LILRB4: variants seen among roughly 807,000 people sequenced by gnomAD.
LILRB4 encodes leukocyte immunoglobulin like receptor B4, also known as leukocyte immunoglobulin-like receptor subfamily B member 4.
Under a neutral mutation model 55.2 loss-of-function variants are expected in LILRB4, and 49 were observed. The ratio of observed to expected loss-of-function variants is 0.89; its 90% confidence interval spans 0.71 to 1.13. The LOEUF is 1.13. Ranked by LOEUF, LILRB4 falls within the 50% of genes most tolerant of loss-of-function variation. The pLI is 0.00. For missense variants in LILRB4, 590 were observed against 555.2 expected (o/e 1.06, Z -0.63); for synonymous variants, 229 against 213.8 (o/e 1.07, Z -0.62).
exon 12 of LILRB4, chr19:54,667,889 C>G (rs566109967): frequency 6.2e-7 from 1 of 1,611,260 alleles, no homozygotes; most frequent in Admixed American, 1.7e-5. Flanking sequence ...GCATCTGAAG[C>G]CCCCCAGGAT....
At chr19:54,667,233 C>G in intron 10 of LILRB4, 1 of 569,804 alleles carries the variant, frequency 1.8e-6, no homozygotes, top group Non-Finnish European at 3.4e-6. Context: ...GGAACATAAA[C>G]CAGGTAAAGG....
chr19:54,663,951 G>C, exon 3 of LILRB4: 2 of 1,613,532 alleles, frequency 1.2e-6, no homozygotes, highest in Non-Finnish European at 1.7e-6. Context: ...ATCCATGACA[G>C]AGGACTATGC....
chr19:54,663,543 G>A, exon 2 of LILRB4: 7 of 1,613,570 alleles, frequency 4.3e-6, no homozygotes, highest in Non-Finnish European at 5.9e-6. Flanking sequence ...GCTGAGTCTG[G>A]GCCCCAGGAC....
chr19:54,666,980 G>A lies in LILRB4; in HGVS notation c.1041+231G>A. ...CTCCTCATCCTCTGTTTGGCCATCT[G>A]GTTGTTAGAGAGCTCCCCAGGCCTC... On this transcript the variant is annotated intron_variant, in intron 10 of 11. Transcript: ENST00000430952. The surrounding 1 kb of genome is among the most constrained non-coding windows in gnomAD (Gnocchi z 4.8). 1 of 708,056 alleles carries A rather than the reference G, an allele frequency of 1.4e-6. No homozygotes were observed. The highest frequency in any genetic ancestry group is 2.6e-6 in the Non-Finnish European group (1 of 380,704). 43.9% of individuals were successfully genotyped at this position (708,056 alleles called of 1,614,324 possible). A position where few individuals can be genotyped will look rare whatever the true frequency, so the allele number is the denominator to read the frequency against.
At position 54,667,454 on chromosome 19, in the gene LILRB4, G is replaced by A. The variant is rs547191814; in HGVS notation, c.1042-184G>A. ...GGCTGCAGCCAAATGGGCAAGGTCAGAGTGAGGAGCAGAGACCAGAACCAC... is the reference window on the plus strand; with the variant it reads ...GGCTGCAGCCAAATGGGCAAGGTCAAAGTGAGGAGCAGAGACCAGAACCAC... On this transcript the variant is annotated intron_variant, in intron 10 of 11. Transcript: ENST00000430952. 2.7e-4 allele frequency: 352 copies of A among 1,284,862 alleles called. No individual in the cohort carries two copies. In the East Asian group the frequency reaches 3.2e-3, roughly 12 times the overall value. 79.6% of individuals were successfully genotyped at this position (1,284,862 alleles called of 1,614,324 possible). A position where few individuals can be genotyped will look rare whatever the true frequency, so the allele number is the denominator to read the frequency against.
exon 3 of LILRB4, chr19:54,664,021 T>C (rs1261220655): frequency 1.2e-6 from 2 of 1,613,986 alleles, no homozygotes; most frequent in Non-Finnish European, 1.7e-6. Context: ...AGTGACCCCC[T>C]GGAGCTGGTG....
In LILRB4 at chr19:54,666,653, A is replaced by C; in HGVS notation, c.989-44A>C. The C allele has an allele frequency of 6.3e-7, 1 of 1,591,466 alleles. No homozygotes were observed. Among genetic ancestry groups the C allele is most frequent in the Non-Finnish European group, 8.6e-7 (1 of 1,160,842 alleles). ...GGGACCAGCAGGAATGAGAGGTCCCAGGGAACCTTCCCAGGAGATGAACCC... is the reference window on the plus strand; with the variant it reads ...GGGACCAGCAGGAATGAGAGGTCCCCGGGAACCTTCCCAGGAGATGAACCC... On this transcript the variant is annotated intron_variant, in intron 9 of 11. Transcript: ENST00000430952. The surrounding 1 kb of genome is among the most constrained non-coding windows in gnomAD (Gnocchi z 4.8).
chr19:54,664,374 A>G, exon 4 of LILRB4: 1 of 1,613,918 alleles, frequency 6.2e-7, no homozygotes, highest in South Asian at 1.1e-5. Context: ...TGAATTCCCC[A>G]TGAGTCCTGT....
chr19:54,663,853 A>G, exon 3 of LILRB4: 1 of 1,614,124 alleles, frequency 6.2e-7, no homozygotes, highest in African/African-American at 1.3e-5. Flanking sequence ...GAGGCTCGGG[A>G]GTACCGTCTG....
In LILRB4 at chr19:54,666,006, G is replaced by A. The variant is rs1377048054; in HGVS notation, c.874+75G>A. On this transcript the variant is annotated intron_variant, in intron 7 of 11. Coordinates refer to ENST00000430952, the Ensembl canonical transcript of LILRB4. This position sits in a 1 kb window ranked among gnomAD's most constrained non-coding sequence, Gnocchi z 4.8. Reference sequence around the variant, plus strand: ...GCACCAGCCAAAGGGACTCCAGATAGGAGAGGTCATCTTAGAAACTCTGCT... The same window carrying A: ...GCACCAGCCAAAGGGACTCCAGATAAGAGAGGTCATCTTAGAAACTCTGCT... The A allele has an allele frequency of 5.1e-6, 8 of 1,566,938 alleles. 1 individual carries two copies. Among genetic ancestry groups the A allele is most frequent in the South Asian group, 2.3e-5 (2 of 88,070 alleles).
exon 1 of LILRB4, chr19:54,663,040 C>T: frequency 1.2e-6 from 2 of 1,613,946 alleles, no homozygotes; most frequent in Admixed American, 3.3e-5. Context: ...CGCCATGATC[C>T]CCACCTTCAC....
downstream of LILRB4, chr19:54,668,430 G>A: frequency 5.7e-6 from 1 of 175,686 alleles, no homozygotes; most frequent in Non-Finnish European, 1.2e-5. Flanking sequence ...GCCACAATGA[G>A]AAAAATAAAA....
chr19:54,663,525 C>T lies in LILRB4; in HGVS notation c.35-7C>T, dbSNP rs369114564. ...GGGCAAATCCCTCACAGGGAACTCT[C>T]TTCCAGGGCTGAGTCTGGGCCCCAG... On this transcript the variant is annotated splice_region_variant and splice_polypyrimidine_tract_variant and intron_variant, in intron 1 of 11. Coordinates refer to ENST00000430952, the Ensembl canonical transcript of LILRB4. The T allele has an allele frequency of 2.8e-5, 45 of 1,612,618 alleles. No homozygotes were observed. The highest frequency in any genetic ancestry group is 3.4e-5 in the Non-Finnish European group (40 of 1,179,686).
rs1257150613 is a variant in LILRB4, at chr19:54,665,947, G to A, written c.874+16G>A. On this transcript the variant is annotated intron_variant, in intron 7 of 11. Coordinates refer to ENST00000430952, the Ensembl canonical transcript of LILRB4. The surrounding 1 kb of genome is among the most constrained non-coding windows in gnomAD (Gnocchi z 5.5). ...AGGACATTGGGTAAGTAGGAAATTGGGGGACCCGTGGGCTGATGGAGGGTG... is the reference window on the plus strand; with the variant it reads ...AGGACATTGGGTAAGTAGGAAATTGAGGGACCCGTGGGCTGATGGAGGGTG... The A allele has an allele frequency of 1.2e-6, 2 of 1,613,800 alleles. No individual in the cohort carries two copies. Among genetic ancestry groups the A allele is most frequent in the Non-Finnish European group, 1.7e-6 (2 of 1,179,908 alleles).
chr19:54,666,003 A>T lies in LILRB4; in HGVS notation c.874+72A>T. 1.3e-6 allele frequency: 2 copies of T among 1,575,556 alleles called. No individual in the cohort carries two copies. The highest frequency in any genetic ancestry group is 1.7e-6 in the Non-Finnish European group (2 of 1,154,716). On this transcript the variant is annotated intron_variant, in intron 7 of 11. Transcript: ENST00000430952. This position sits in a 1 kb window ranked among gnomAD's most constrained non-coding sequence, Gnocchi z 4.8. The stretch of plus-strand genomic sequence containing the variant: ...AGGGCACCAGCCAAAGGGACTCCAG[A>T]TAGGAGAGGTCATCTTAGAAACTCT...
chr19:54,663,035 T>G, exon 1 of LILRB4: 1 of 1,613,954 alleles, frequency 6.2e-7, no homozygotes. Flanking sequence ...GGAGACGCCA[T>G]GATCCCCACC....
chr19:54,666,552 C>A lies in LILRB4; in HGVS notation c.988+116C>A. ...GGTCAGGGACTCAGGGAGAAGTGGTCTGAACCCACATTGTGGGACCTCGGG... is the reference window on the plus strand; with the variant it reads ...GGTCAGGGACTCAGGGAGAAGTGGTATGAACCCACATTGTGGGACCTCGGG... On this transcript the variant is annotated intron_variant, in intron 9 of 11. Transcript: ENST00000430952. This position sits in a 1 kb window ranked among gnomAD's most constrained non-coding sequence, Gnocchi z 4.8. 6.9e-7 allele frequency: 1 copy of A among 1,455,352 alleles called. No individual in the cohort carries two copies. Among genetic ancestry groups the A allele is most frequent in the Non-Finnish European group, 9.5e-7 (1 of 1,049,384 alleles). 90.2% of individuals were successfully genotyped at this position (1,455,352 alleles called of 1,614,324 possible). A position where few individuals can be genotyped will look rare whatever the true frequency, so the allele number is the denominator to read the frequency against.
chr19:54,664,950 C>A, intron 5 of LILRB4, 101 bp downstream of exon 5: 2 of 1,395,774 alleles, frequency 1.4e-6, no homozygotes, highest in South Asian at 1.2e-5. Flanking sequence ...CTCAGCTGGG[C>A]TTGCTTCCAC....
exon 1 of LILRB4, chr19:54,663,024 A>C (rs747680419): frequency 1.2e-6 from 2 of 1,613,936 alleles, no homozygotes; most frequent in Middle Eastern, 1.7e-4. Flanking sequence ...GGCCCCTGGG[A>C]GGAGACGCCA....
Sources: gnomAD v4.1 joint callset for allele counts on GRCh38, gnomAD v4.1.1 for gene constraint, Gnocchi (gnomAD v3.1) non-coding constraint, MANE v1.5 for transcripts, NCBI Gene and HGNC (gene_info 2026-07-23, HGNC 2026-07-21) for gene names.